Variants in SEMA4C observed in about 807,000 individuals in gnomAD.
The protein encoded by SEMA4C is semaphorin-4C.
SEMA4C carries 19 observed loss-of-function variants against 89.0 expected under a neutral mutation model. The observed-to-expected ratio is 0.21, with a 90% CI of 0.15 to 0.31. The LOEUF is 0.31. Among genes scored for constraint, SEMA4C ranks in the 10% least tolerant of loss-of-function variants. The probability of loss-of-function intolerance (pLI) is 1.00; values close to 1 mark genes in which losing one functional copy is unlikely to be tolerated. For missense variants in SEMA4C, 811 were observed against 1,107.0 expected (o/e 0.73, Z 3.79); for synonymous variants, 428 against 472.7 (o/e 0.91, Z 1.23).
In SEMA4C at chr2:96,860,656, G is replaced by A. The variant is rs754514201; in HGVS notation, c.2472C>T (p.Pro824=). The change falls in exon 15 of 15, where the codon CCC becomes CCT. Residue 824 remains proline (P), a synonymous_variant. Transcript: ENST00000305476. ...RRKLQQRQPL[P]DSNPEESSV ...CTGATGACTCCTCGGGGTTGGAGTC[G>A]GGCAGTGGCTGGCGTTGCTGCAGTT... 1.4e-5 allele frequency: 22 copies of A among 1,611,990 alleles called. No individual in the cohort carries two copies. The highest frequency in any genetic ancestry group is 1.3e-4 in the East Asian group (6 of 44,870).
In SEMA4C at chr2:96,860,742, C is replaced by T; in HGVS notation, c.2386G>A (p.Gly796Arg). Residue 796 changes from glycine (G) to arginine (R), a missense_variant, in exon 15 of 15, where the codon GGG becomes AGG. Transcript: ENST00000305476. Reference sequence around the variant, plus strand: ...TGCCCGAGCCCTCCCCGGTCCTCCCCTCCTAGTTGTAAGCGCACGTAACCA... The same window carrying T: ...TGCCCGAGCCCTCCCCGGTCCTCCCTTCCTAGTTGTAAGCGCACGTAACCA... Reference protein sequence around the residue: ...ANGYVRLQLGGEDRGGLGHPL... With the variant: ...ANGYVRLQLGREDRGGLGHPL... 1 of 1,613,916 alleles carries T rather than the reference C, an allele frequency of 6.2e-7. No individual in the cohort carries two copies. The highest frequency in any genetic ancestry group is 8.5e-7 in the Non-Finnish European group (1 of 1,180,002).
Position 96,865,442 on chromosome 2 carries a change from C to A in SEMA4C, c.516G>T (p.Val172=). ...DPAKGHAGLL[V]DGELYSATLN... ...CCTGCATGGGGGGCAGCCACTCACC[C>A]ACAAGAAGGCCAGCATGGCCCTTAG... The change falls in exon 6 of 15, where the codon GTG becomes GTT. Residue 172 remains valine, a splice_region_variant and synonymous_variant. Transcript: ENST00000305476. 1.9e-6 allele frequency: 3 copies of A among 1,613,954 alleles called. No homozygotes were observed. Among genetic ancestry groups the A allele is most frequent in the Non-Finnish European group, 2.5e-6 (3 of 1,179,954 alleles).
At chr2:96,868,329 C>T in intron 1 of SEMA4C, 4 of 793,160 alleles carry the variant, frequency 5.0e-6, no homozygotes, top group Non-Finnish European at 6.3e-6. Flanking sequence ...CCGGACCCTG[C>T]CAACACCTAA....
At chr2:96,869,121 G>A (rs2080149396) in intron 1 of SEMA4C, 1 of 985,370 alleles carries the variant, frequency 1.0e-6, no homozygotes, top group Non-Finnish European at 1.2e-6. Flanking sequence ...CCCCGGCGCG[G>A]GAGAGCGGGG....
chr2:96,869,597 G>A (rs1397700869), intron 1 of SEMA4C: 5 of 985,180 alleles, frequency 5.1e-6, no homozygotes, highest in Admixed American at 6.2e-5. Flanking sequence ...CGAGGATCCC[G>A]GCCGCGGACC....
intron 1 of SEMA4C, chr2:96,869,305 G>T: frequency 1.0e-6 from 1 of 985,354 alleles, no homozygotes; most frequent in Non-Finnish European, 1.2e-6. Flanking sequence ...TTGGGGGGAG[G>T]GGTGCGGGAT....
rs2079942679 is a variant in SEMA4C, at chr2:96,861,512, G to A, written c.1673-57C>T. The stretch of plus-strand genomic sequence containing the variant: ...AGTGCAGGAAAGCAGGGCTGGGGAA[G>A]AGGAGAACAGAAACTCCAGCTCTGG... On this transcript the variant is annotated intron_variant, in intron 14 of 14. Transcript: ENST00000305476. The surrounding 1 kb of genome is among the most constrained non-coding windows in gnomAD (Gnocchi z 7.8). 6.2e-7 allele frequency: 1 copy of A among 1,608,440 alleles called. No individual in the cohort carries two copies. The highest frequency in any genetic ancestry group is 1.1e-5 in the South Asian group (1 of 90,916).
intron 1 of SEMA4C, chr2:96,868,985 C>G: frequency 1.0e-6 from 1 of 985,374 alleles, no homozygotes; most frequent in Non-Finnish European, 1.2e-6. Flanking sequence ...GGGTCCCCGC[C>G]AAGACCCCGT....
At chr2:96,869,554 G>T in intron 1 of SEMA4C, 1 of 985,274 alleles carries the variant, frequency 1.0e-6, no homozygotes, top group Non-Finnish European at 1.2e-6. Flanking sequence ...TTCCATCGGG[G>T]GTGGGAGCGC....
intron 1 of SEMA4C, chr2:96,869,483 G>T (rs1473211393): frequency 1.0e-6 from 1 of 985,040 alleles, no homozygotes; most frequent in Non-Finnish European, 1.2e-6. Flanking sequence ...GGCGGGCGGG[G>T]GGCCGCGGCA....
chr2:96,861,448 G>A lies in SEMA4C; in HGVS notation c.1680C>T (p.Pro560=). 6.2e-7 allele frequency: 1 copy of A among 1,612,754 alleles called. No individual in the cohort carries two copies. The highest frequency in any genetic ancestry group is 8.5e-7 in the Non-Finnish European group (1 of 1,179,844). ...CCACCACCGTGATGTTTTTGGGAGT[G>A]GGCCTGACTGTAGTGGCAGAGAAAA... ...CNLRGSKKVR[P]TPKNITVVAG... is the part of the protein sequence containing the mutation. The change falls in exon 15 of 15, where the codon CCC becomes CCT. Residue 560 remains proline, a synonymous_variant. Coordinates refer to ENST00000305476, the MANE Select transcript of SEMA4C (RefSeq NM_017789.5). The surrounding 1 kb of genome is among the most constrained non-coding windows in gnomAD (Gnocchi z 7.8).
chr2:96,870,015 C>G lies in SEMA4C; in HGVS notation c.-177G>C, dbSNP rs2080170545. 2.0e-6 allele frequency: 2 copies of G among 985,724 alleles called. No homozygotes were observed. The highest frequency in any genetic ancestry group is 3.5e-5 in the African/African-American group (2 of 57,194). 61.1% of individuals were successfully genotyped at this position (985,724 alleles called of 1,614,324 possible). A position where few individuals can be genotyped will look rare whatever the true frequency, so the allele number is the denominator to read the frequency against. On this transcript the variant is annotated 5_prime_UTR_variant, in exon 1 of 15. Coordinates refer to ENST00000305476, the MANE Select transcript of SEMA4C (RefSeq NM_017789.5). Reference sequence around the variant, plus strand: ...CTCTCTGCCACCGCCCCTCCGTCCCCGCCCGGCTCCGCGCCCCTAGGCTCG... The same window carrying G: ...CTCTCTGCCACCGCCCCTCCGTCCCGGCCCGGCTCCGCGCCCCTAGGCTCG...
intron 12 of SEMA4C, chr2:96,862,600 C>G: frequency 6.6e-6 from 1 of 152,272 alleles, no homozygotes; most frequent in Non-Finnish European, 1.5e-5. Context: ...CAGTGGCTCA[C>G]GCCTGTAATC....
rs780170293 is a variant in SEMA4C at position 96,865,782 on chromosome 2, T to C, written c.322-18A>G. On this transcript the variant is annotated intron_variant, in intron 4 of 14. Transcript: ENST00000305476. ...CACTCGGTCTGGGGGCAGAAAGGTG[T>C]CCGGTTAGTGAGAGCGCGAGGGCCA... The C allele has an allele frequency of 1.9e-6, 3 of 1,613,820 alleles. No individual in the cohort carries two copies. In the Admixed American group the frequency reaches 5.0e-5, roughly 27 times the overall value.
At chr2:96,863,880 T>G in intron 11 of SEMA4C, 46 bp downstream of exon 11, 1 of 1,597,034 alleles carries the variant, frequency 6.3e-7, no homozygotes, top group Non-Finnish European at 8.6e-7. Context: ...GCACACGGGC[T>G]TCTGCCCAGC....
chr2:96,866,771 T>G (rs1007988793), intron 2 of SEMA4C: 2 of 416,800 alleles, frequency 4.8e-6, no homozygotes, highest in Non-Finnish European at 9.2e-6. Context: ...CACCCCACCT[T>G]CGCTTCCTCG....
chr2:96,864,020 C>T lies in SEMA4C; in HGVS notation c.1236G>A (p.Leu412=), dbSNP rs901809543. The stretch of plus-strand genomic sequence containing the variant: ...TGAAGTTGGTGCCCTTCTTCACGAG[C>T]AGGGGGCGGCTCCACCGAGGCCCCA... ...EQVGPRWSRP[L]LVKKGTNFTH... is the part of the protein sequence containing the mutation. The change falls in exon 11 of 15, where the codon CTG becomes CTA. Residue 412 remains leucine (L), a synonymous_variant. Transcript: ENST00000305476. This position sits in a 1 kb window ranked among gnomAD's most constrained non-coding sequence, Gnocchi z 6.3. 5 of 1,613,162 alleles carry T rather than the reference C, an allele frequency of 3.1e-6. No homozygotes were observed. Among genetic ancestry groups the T allele is most frequent in the Admixed American group, 3.3e-5 (2 of 60,002 alleles).
chr2:96,862,007 A>G (rs557592716), intron 12 of SEMA4C, 113 bp from the exon 13 acceptor site: 11 of 1,153,810 alleles, frequency 9.5e-6, no homozygotes, highest in Non-Finnish European at 4.9e-6. Flanking sequence ...GGGGCACAGC[A>G]CGGGGCGCCA....
At chr2:96,867,515 T>G (rs2080106258) in intron 2 of SEMA4C, among the ~76,000 whole-genome samples, 2 of 152,062 alleles carry the variant, frequency 1.3e-5, no homozygotes, top group South Asian at 4.1e-4. Context: ...CCAGCGCCAG[T>G]GACAATTCAA....
Sources: allele counts gnomAD v4.1 joint callset (sites outside exome capture counted in the v4.1 genomes callset), GRCh38; gene constraint gnomAD v4.1.1; non-coding constraint Gnocchi (gnomAD v3.1); transcripts MANE v1.5; gene names NCBI Gene and HGNC (gene_info 2026-07-23, HGNC 2026-07-21).